TARS3: variants seen among roughly 807,000 people sequenced by gnomAD.
TARS3 encodes the protein threonyl-tRNA synthetase 3.
A neutral mutation model predicts 103.5 loss-of-function variants in TARS3; 94 were observed. The observed-to-expected ratio is 0.91, with a 90% CI of 0.77 to 1.08. The LOEUF (loss-of-function observed/expected upper bound fraction) is 1.08, where lower values mean the gene tolerates loss of function less well. TARS3 is among the 50% of genes least tolerant of loss of function. The pLI is 0.00. For missense variants in TARS3, 952 were observed against 995.2 expected (o/e 0.96, Z 0.58); for synonymous variants, 416 against 355.4 (o/e 1.17, Z -1.92).
At chr15:101,669,779 C>G (rs1350416164) in intron 15 of TARS3, among the ~76,000 whole-genome samples, 1 of 152,216 alleles carries the variant, frequency 6.6e-6, no homozygotes, top group Non-Finnish European at 1.5e-5. Context: ...CTCTACCACC[C>G]AGGTTTGCGT....
chr15:101,669,103 C>T (rs1287017860), intron 15 of TARS3, among the ~76,000 whole-genome samples: 3 of 152,176 alleles, frequency 2.0e-5, no homozygotes, highest in Non-Finnish European at 4.4e-5. Context: ...GCCCCTGGAA[C>T]CTTCCACTGG....
intron 16 of TARS3, 94 bp downstream of exon 16, chr15:101,661,618 A>C (rs550372088): frequency 1.2e-6 from 1 of 801,116 alleles, no homozygotes; most frequent in East Asian, 3.1e-5. Flanking sequence ...TGATTTTTTA[A>C]GAATAGAAAT....
At position 101,724,290 on chromosome 15, in the gene TARS3, C is replaced by G. The variant is rs2141466259; in HGVS notation, c.98G>C (p.Arg33Thr). ...GTAGGGCGCGTTCAGCTGCTCGTCC[C>G]TCAGGCGCTCGACCTCCGACCACAG... ...RWLWSEVERL[R>T]DEQLNAPYSC... Residue 33 changes from arginine to threonine, a missense_variant, in exon 1 of 19, where the codon AGG (arginine) becomes ACG (threonine). Physicochemically the swap from Arg to Thr is moderately conservative, Grantham distance 71. Around this residue, in one of 2 missense-constraint regions of TARS3, gnomAD observed 412 missense variants for 364.2 expected, o/e 1.13. Transcript: ENST00000335968. The G allele has an allele frequency of 6.4e-7, 1 of 1,573,940 alleles. No homozygotes were observed. The highest frequency in any genetic ancestry group is 8.6e-7 in the Non-Finnish European group (1 of 1,166,532).
rs1049903433 is a variant in TARS3, at chr15:101,715,020, A to C, written c.567-57T>G. 1.4e-5 allele frequency: 21 copies of C among 1,493,310 alleles called. No individual in the cohort carries two copies. In the East Asian group the frequency reaches 4.9e-4, roughly 35 times the overall value. 92.5% of individuals were successfully genotyped at this position (1,493,310 alleles called of 1,614,324 possible). On this transcript the variant is annotated intron_variant, in intron 3 of 18. Transcript: ENST00000335968. ...TTTATCACTGTTACAATGATTCCTT[A>C]AAATATTAAAAGAATTTCTAGGGTT... is the stretch of plus-strand genomic sequence containing the variant.
intron 12 of TARS3, among the ~76,000 whole-genome samples, chr15:101,680,347 A>T (rs2141402016): frequency 6.6e-6 from 1 of 152,338 alleles, no homozygotes; most frequent in Admixed American, 6.5e-5. Context: ...TCCTTTGGCT[A>T]CAGCAAGCAG....
At chr15:101,672,373 T>TTGGGAA (rs1854553905) in intron 13 of TARS3, among the ~76,000 whole-genome samples, 1 of 152,078 alleles carries the variant, frequency 6.6e-6, no homozygotes, top group Non-Finnish European at 1.5e-5. Context: ...TAATGAAAAA[T>TTGGGAA]TTCCCAGAGT....
At chr15:101,667,373 C>T (rs1040919447) in intron 15 of TARS3, among the ~76,000 whole-genome samples, 1 of 152,156 alleles carries the variant, frequency 6.6e-6, no homozygotes, top group Non-Finnish European at 1.5e-5. Flanking sequence ...AGTTTTGAAG[C>T]CAGTCATTGA....
At chr15:101,718,675 G>A (rs1451493111) in intron 3 of TARS3, among the ~76,000 whole-genome samples, 1 of 152,114 alleles carries the variant, frequency 6.6e-6, no homozygotes, top group African/African-American at 2.4e-5. Flanking sequence ...ACAAGCCTCT[G>A]CTTCATATGA....
Position 101,701,068 on chromosome 15 carries a change from A to G in TARS3, c.1320+18T>C. The G allele has an allele frequency of 6.8e-7, 1 of 1,465,862 alleles. No homozygotes were observed. The highest frequency in any genetic ancestry group is 9.2e-7 in the Non-Finnish European group (1 of 1,083,616). The allele number at this position is 1,465,862 out of a possible 1,614,324, so 90.8% of individuals were successfully genotyped here. A position where few individuals can be genotyped will look rare whatever the true frequency, so the allele number is the denominator to read the frequency against. ...AACTGGAATTGAATAAGAATAAAAC[A>G]TTTTAAAGTTAACTTACTCGTATGA... On this transcript the variant is annotated intron_variant, in intron 10 of 18. Transcript: ENST00000335968.
At chr15:101,709,508 T>C (rs1386165357) in intron 5 of TARS3, among the ~76,000 whole-genome samples, 1 of 152,190 alleles carries the variant, frequency 6.6e-6, no homozygotes, top group Non-Finnish European at 1.5e-5. Context: ...GCAGATGTCA[T>C]AAGTATCCCC....
At chr15:101,685,470 G>A (rs908905713) in intron 11 of TARS3, among the ~76,000 whole-genome samples, 1 of 152,174 alleles carries the variant, frequency 6.6e-6, no homozygotes, top group African/African-American at 2.4e-5. Flanking sequence ...ATGTTGAAAT[G>A]TGGAAGAAAA....
intron 10 of TARS3, among the ~76,000 whole-genome samples, chr15:101,692,737 C>T (rs1003075406): frequency 1.3e-5 from 2 of 152,210 alleles, no homozygotes; most frequent in Non-Finnish European, 2.9e-5. Flanking sequence ...AATCCCTGGG[C>T]GCTCTATCAT....
At chr15:101,679,775 C>G (rs1419377337) in intron 12 of TARS3, among the ~76,000 whole-genome samples, 1 of 152,200 alleles carries the variant, frequency 6.6e-6, no homozygotes, top group Non-Finnish European at 1.5e-5. Context: ...TCCACTGACA[C>G]TCTTCCAGCA....
intron 4 of TARS3, among the ~76,000 whole-genome samples, chr15:101,713,070 A>G (rs974693712): frequency 6.6e-6 from 1 of 152,364 alleles, no homozygotes; most frequent in African/African-American, 2.4e-5. Context: ...TGCTGGGTAT[A>G]CAATAGTGAA....
At chr15:101,699,937 T>C (rs1335663677) in intron 10 of TARS3, among the ~76,000 whole-genome samples, 2 of 151,862 alleles carry the variant, frequency 1.3e-5, no homozygotes, top group Middle Eastern at 3.2e-3. Context: ...GGAAGAGACA[T>C]GAGGGGAGTG....
intron 4 of TARS3, among the ~76,000 whole-genome samples, chr15:101,712,585 A>G (rs1899922068): frequency 6.6e-6 from 1 of 152,146 alleles, no homozygotes; most frequent in Non-Finnish European, 1.5e-5. Context: ...GCTGCCTGGG[A>G]CGCCTGAGAA....
intron 10 of TARS3, among the ~76,000 whole-genome samples, chr15:101,698,879 C>T (rs1899113673): frequency 1.3e-5 from 2 of 152,180 alleles, no homozygotes; most frequent in Admixed American, 6.5e-5. Context: ...GACTTCCCTA[C>T]AGTCCTTTGG....
chr15:101,711,371 T>C (rs960878492), intron 5 of TARS3, among the ~76,000 whole-genome samples: 1 of 152,224 alleles, frequency 6.6e-6, no homozygotes, highest in African/African-American at 2.4e-5. Context: ...ATAATCATCT[T>C]ATGCAATACA....
In TARS3 at chr15:101,684,133, A is replaced by G. The variant is rs748646277; in HGVS notation, c.1592T>C (p.Leu531Ser). ...CTGCTGGAAGCGCCTCACTCTGGTC[A>G]AGCCGCTGAGAGTCCCCGACAGTTC... ...RNELSGTLSG[L>S]TRVRRFQQDD... The change falls in exon 12 of 19, where the codon TTG (leucine) becomes TCG (serine). Residue 531 changes from leucine (L) to serine (S), a missense_variant. Around this residue, in one of 2 missense-constraint regions of TARS3, gnomAD observed 540 missense variants for 631.0 expected, o/e 0.86. Transcript: ENST00000335968. 1 of 1,614,086 alleles carries G rather than the reference A, an allele frequency of 6.2e-7. No individual in the cohort carries two copies. The highest frequency in any genetic ancestry group is 1.1e-5 in the South Asian group (1 of 91,074).
Sources: allele counts gnomAD v4.1 joint callset (sites outside exome capture counted in the v4.1 genomes callset), GRCh38; gene constraint gnomAD v4.1.1; regional missense constraint gnomAD v4.1.1; transcripts MANE v1.5; gene names NCBI Gene and HGNC (gene_info 2026-07-23, HGNC 2026-07-21).